Variants in PLEKHM3 observed in about 807,000 individuals in gnomAD.
PLEKHM3 encodes pleckstrin homology domain-containing family M member 3.
In PLEKHM3, 45 loss-of-function variants were observed where a neutral mutation model predicts 81.8. That is an observed-to-expected ratio of 0.55 (90% confidence interval 0.43 to 0.71). The LOEUF (loss-of-function observed/expected upper bound fraction) is 0.71, where lower values mean the gene tolerates loss of function less well. Ranked by LOEUF, PLEKHM3 falls within the 30% of genes least tolerant of loss-of-function variation. The pLI, the probability that PLEKHM3 is intolerant of heterozygous loss-of-function variation, is 0.00. For missense variants in PLEKHM3, 788 were observed against 924.3 expected (o/e 0.85, Z 1.91); for synonymous variants, 352 against 356.4 (o/e 0.99, Z 0.14).
intron 3 of PLEKHM3, among the ~76,000 whole-genome samples, chr2:207,958,200 T>G (rs6435399): frequency 0.64 from 97,253 of 152,048 alleles, 31,854 homozygotes; most frequent in Middle Eastern, 0.79. Context: ...CTTAAAAAAT[T>G]ATTTATGCTG....
chr2:207,864,832 T>C (rs1211811284), intron 6 of PLEKHM3, among the ~76,000 whole-genome samples: 1 of 152,230 alleles, frequency 6.6e-6, no homozygotes, highest in Non-Finnish European at 1.5e-5. Flanking sequence ...AACAATGTGA[T>C]ACATATCTCC....
At chr2:207,853,914 G>A (rs1046253601) in intron 7 of PLEKHM3, among the ~76,000 whole-genome samples, 1 of 152,034 alleles carries the variant, frequency 6.6e-6, no homozygotes, top group African/African-American at 2.4e-5. Context: ...GGGATTACAG[G>A]TGTGTGCCAC....
intron 7 of PLEKHM3, among the ~76,000 whole-genome samples, chr2:207,845,032 C>G (rs2092375266): frequency 1.3e-5 from 2 of 152,160 alleles, no homozygotes; most frequent in South Asian, 4.1e-4. Flanking sequence ...TTTAAGTGCT[C>G]TGAAAGCATC....
intron 2 of PLEKHM3, among the ~76,000 whole-genome samples, chr2:207,981,330 T>G (rs1325329363): frequency 6.6e-6 from 1 of 152,046 alleles, no homozygotes; most frequent in Non-Finnish European, 1.5e-5. Context: ...TCTCTAACAA[T>G]TCTTTCTACT....
intron 5 of PLEKHM3, among the ~76,000 whole-genome samples, chr2:207,912,078 C>G (rs151029901): frequency 6.6e-6 from 1 of 152,146 alleles, no homozygotes; most frequent in East Asian, 1.9e-4. Flanking sequence ...AATAAGGCAT[C>G]GTGCTACGTG....
At chr2:207,876,410 C>T (rs1241664820) in intron 6 of PLEKHM3, among the ~76,000 whole-genome samples, 1 of 152,014 alleles carries the variant, frequency 6.6e-6, no homozygotes, top group Non-Finnish European at 1.5e-5. Flanking sequence ...TTTAGATGAC[C>T]TGTGTTTTCA....
At chr2:207,865,464 T>C (rs1436232456) in intron 6 of PLEKHM3, among the ~76,000 whole-genome samples, 1 of 151,938 alleles carries the variant, frequency 6.6e-6, no homozygotes, top group South Asian at 2.1e-4. Flanking sequence ...GCCATGCCCC[T>C]GCAAGCCCAA....
At chr2:207,883,235 T>C (rs1486883468) in intron 6 of PLEKHM3, among the ~76,000 whole-genome samples, 1 of 152,158 alleles carries the variant, frequency 6.6e-6, no homozygotes, top group Admixed American at 6.5e-5. Context: ...TGGTGCAATA[T>C]AAAACTGAAA....
At chr2:207,987,808 C>T (rs1205064011) in intron 2 of PLEKHM3, among the ~76,000 whole-genome samples, 1 of 152,140 alleles carries the variant, frequency 6.6e-6, no homozygotes, top group African/African-American at 2.4e-5. Flanking sequence ...TTCATGAGGG[C>T]CTTCAATCAC....
chr2:207,861,265 G>A lies in PLEKHM3; in HGVS notation c.1951-3C>T, dbSNP rs1295493634. ...GGAGCCAGCTTTCCCTCTATTACCT[G>A]CAGAAAGAGAAATGGGACAGGGAAG... On this transcript the variant is annotated splice_region_variant and splice_polypyrimidine_tract_variant and intron_variant, in intron 6 of 7. Transcript: ENST00000427836. 1 of 1,613,516 alleles carries A rather than the reference G, an allele frequency of 6.2e-7. No homozygotes were observed.
chr2:207,865,801 A>AAATATATATATATATATAT, intron 6 of PLEKHM3, among the ~76,000 whole-genome samples: 1 of 25,300 alleles, frequency 4.0e-5, no homozygotes, highest in African/African-American at 2.1e-4. Context: ...AAAAAAAAAA[A>AAATATATATATATATATAT]AGATATATAT....
chr2:208,024,156 A>AACTGAACTGAACTGAACTGAACTGAAC (rs1559289148), intron 1 of PLEKHM3, among the ~76,000 whole-genome samples: 1 of 147,562 alleles, frequency 6.8e-6, no homozygotes, highest in African/African-American at 2.6e-5. Flanking sequence ...ATAAAATAAA[A>AACTGAACTGAACTGAACTGAACTGAAC]TAAAATAAAA....
At chr2:207,866,209 G>C (rs2092499919) in intron 6 of PLEKHM3, among the ~76,000 whole-genome samples, 1 of 152,244 alleles carries the variant, frequency 6.6e-6, no homozygotes, top group East Asian at 1.9e-4. Context: ...AGGCTGGAGT[G>C]CAGTGGTGTG....
At chr2:207,973,137 T>C (rs1236906476) in intron 3 of PLEKHM3, among the ~76,000 whole-genome samples, 7 of 152,252 alleles carry the variant, frequency 4.6e-5, no homozygotes, top group Non-Finnish European at 1.0e-4. Context: ...GCTGAAGTTT[T>C]TGGCATTTTG....
In PLEKHM3 at chr2:207,946,486, T is replaced by C. The variant is rs764931796; in HGVS notation, c.1573A>G (p.Asn525Asp). 1.2e-6 allele frequency: 2 copies of C among 1,614,044 alleles called. No individual in the cohort carries two copies. The highest frequency in any genetic ancestry group is 1.3e-5 in the African/African-American group (1 of 74,930). The change falls in exon 4 of 8, where the codon AAT becomes GAT. Residue 525 changes from asparagine (N) to aspartate (D), a missense_variant. Transcript: ENST00000427836. ...AGCQRSIGLS[N>D]GKAKVCNYSG... ...TAGTTGCACACCTTGGCTTTCCCAT[T>C]GGAAAGACCTATGGATCGCTGGCAG...
chr2:207,830,607 CAA>C (rs10685657), intron 7 of PLEKHM3, among the ~76,000 whole-genome samples: 9 of 127,496 alleles, frequency 7.1e-5, no homozygotes, highest in East Asian at 2.4e-4. Flanking sequence ...AACTCTGTCT[CAA>C]AAAAAAAAAA....
rs6723220 is a variant in PLEKHM3 at position 207,901,324 on chromosome 2, T to C, written c.1950+7190A>G. 5.9e-3 allele frequency: 4,132 copies of C among 702,972 alleles called. 126 individuals are homozygous for C. The African/African-American group carries it at 0.064, about 11-fold the overall frequency. 43.5% of individuals were successfully genotyped at this position (702,972 alleles called of 1,614,324 possible). ...TGCCTGGGTCTGCAGAACAGAAAAG[T>C]CAGCTTGCATAAAGAACAATCTGCA... On this transcript the variant is annotated intron_variant, in intron 6 of 7. Transcript: ENST00000427836.
At chr2:207,910,345 C>T (rs1433680253) in intron 5 of PLEKHM3, among the ~76,000 whole-genome samples, 1 of 152,184 alleles carries the variant, frequency 6.6e-6, no homozygotes, top group Non-Finnish European at 1.5e-5. Flanking sequence ...CCTCCATTTT[C>T]AATAACACAA....
At chr2:207,871,141 A>G (rs1243925257) in intron 6 of PLEKHM3, among the ~76,000 whole-genome samples, 1 of 152,178 alleles carries the variant, frequency 6.6e-6, no homozygotes, top group Non-Finnish European at 1.5e-5. Context: ...ACCAAAGTAT[A>G]TGGGATATTC....
Sources: allele counts gnomAD v4.1 joint callset (sites outside exome capture counted in the v4.1 genomes callset), GRCh38; gene constraint gnomAD v4.1.1; transcripts MANE v1.5; gene names NCBI Gene and HGNC (gene_info 2026-07-23, HGNC 2026-07-21).